Variants in MCPH1 observed in about 807,000 individuals in gnomAD.
MCPH1 encodes the protein microcephalin.
A neutral mutation model predicts 84.5 loss-of-function variants in MCPH1; 104 were observed. The observed-to-expected ratio is 1.23, with a 90% CI of 1.05 to 1.45. The LOEUF is 1.45. Ranked by LOEUF, MCPH1 falls within the 40% of genes most tolerant of loss-of-function variation. The probability of loss-of-function intolerance (pLI) is 0.00; values close to 1 mark genes in which losing one functional copy is unlikely to be tolerated. For missense variants in MCPH1, 1,498 were observed against 1,005.7 expected, an observed-to-expected ratio of 1.49 and a Z score of -6.62; for synonymous variants, 514 against 366.8, an observed-to-expected ratio of 1.40 and a Z score of -4.58.
At chr8:6,451,601 A>T (rs900810328) in intron 8 of MCPH1, among the ~76,000 whole-genome samples, 1 of 152,220 alleles carries the variant, frequency 6.6e-6, no homozygotes, top group Non-Finnish European at 1.5e-5. Context: ...AGTGAACTTG[A>T]TATTTTAATA....
intron 12 of MCPH1, among the ~76,000 whole-genome samples, chr8:6,564,139 A>C (rs1329299085): frequency 6.6e-6 from 1 of 151,786 alleles, no homozygotes. Flanking sequence ...ACGCCACCAC[A>C]CCCGGCTAAT....
intron 11 of MCPH1, among the ~76,000 whole-genome samples, chr8:6,481,540 C>A (rs1809241719): frequency 6.6e-6 from 1 of 152,208 alleles, no homozygotes; most frequent in African/African-American, 2.4e-5. Context: ...TGTTACCATT[C>A]TGCATCTGTG....
At position 6,553,552 on chromosome 8, in the gene MCPH1, A is replaced by G. The variant is rs190305397; in HGVS notation, c.2214+53623A>G. 3.1e-3 allele frequency among the ~76,000 whole-genome samples: 478 copies of G among 152,344 alleles called. 3 individuals are homozygous for G. Among genetic ancestry groups the G allele is most frequent in the Non-Finnish European group, 4.6e-3 (312 of 68,030 alleles). On this transcript the variant is annotated intron_variant, in intron 12 of 13. Coordinates refer to ENST00000344683, the MANE Select transcript of MCPH1 (RefSeq NM_024596.5). ...TCCAAGATACCTCTTATTTTGGTATAGAACGCCTTTATTCAAACAACGGGA... is the reference window on the plus strand; with the variant it reads ...TCCAAGATACCTCTTATTTTGGTATGGAACGCCTTTATTCAAACAACGGGA...
At chr8:6,562,571 T>TTTTTTTTTTTTTTTTTTTTAAAAAAATA in intron 12 of MCPH1, 1 of 417,078 alleles carries the variant, frequency 2.4e-6, no homozygotes, top group Non-Finnish European at 4.0e-6. Flanking sequence ...TTTTTTTTTT[T>TTTTTTTTTTTTTTTTTTTTAAAAAAATA]GGTTGTTAAA....
intron 12 of MCPH1, chr8:6,520,106 A>G (rs1302250946): frequency 4.1e-6 from 5 of 1,211,988 alleles, no homozygotes; most frequent in Admixed American, 2.3e-5. Context: ...TTAAGTAAGC[A>G]AAAGGCTGTA....
chr8:6,436,596 T>G (rs1411996877), intron 5 of MCPH1, among the ~76,000 whole-genome samples: 2 of 151,862 alleles, frequency 1.3e-5, no homozygotes, highest in Admixed American at 6.6e-5. Context: ...TTTAGAATAT[T>G]ATGTTCTATA....
chr8:6,577,448 C>G (rs925019711), intron 12 of MCPH1, among the ~76,000 whole-genome samples: 1 of 152,244 alleles, frequency 6.6e-6, no homozygotes, highest in East Asian at 1.9e-4. Context: ...TCTGAATGTA[C>G]AAATGGCTGT....
chr8:6,639,947 C>A (rs1317589507), intron 13 of MCPH1, among the ~76,000 whole-genome samples: 5 of 152,034 alleles, frequency 3.3e-5, no homozygotes, highest in African/African-American at 4.8e-5. Context: ...CTATGTTGCC[C>A]AGGCTGGCCT....
At chr8:6,539,590 T>C (rs1821153566) in intron 12 of MCPH1, among the ~76,000 whole-genome samples, 1 of 152,176 alleles carries the variant, frequency 6.6e-6, no homozygotes, top group Non-Finnish European at 1.5e-5. Flanking sequence ...CATACTTTTT[T>C]ATTGTCTTTT....
intron 3 of MCPH1, 35 bp from the exon 4 acceptor site, chr8:6,431,464 A>T (rs750488483): frequency 2.0e-6 from 3 of 1,514,056 alleles, no homozygotes; most frequent in Non-Finnish European, 2.8e-6. Context: ...AATAGAAGCA[A>T]ATACTCATTA....
intron 13 of MCPH1, among the ~76,000 whole-genome samples, chr8:6,637,621 G>A (rs1459687118): frequency 6.6e-6 from 1 of 152,138 alleles, no homozygotes; most frequent in Non-Finnish European, 1.5e-5. Context: ...TAAGTGGGAG[G>A]ATTAGGCTGC....
chr8:6,563,777 A>C (rs748277065), intron 12 of MCPH1, among the ~76,000 whole-genome samples: 16 of 152,252 alleles, frequency 1.1e-4, no homozygotes, highest in Non-Finnish European at 1.3e-4. Flanking sequence ...GTTACAAAAG[A>C]TTTTCATTTC....
intron 3 of MCPH1, among the ~76,000 whole-genome samples, chr8:6,426,659 A>T (rs1801106486): frequency 6.6e-6 from 1 of 152,210 alleles, no homozygotes; most frequent in African/African-American, 2.4e-5. Context: ...GTGTCTTTGT[A>T]TGCTTTCATT....
At chr8:6,521,529 A>G (rs1817336131) in intron 12 of MCPH1, 1 of 753,052 alleles carries the variant, frequency 1.3e-6, no homozygotes, top group African/African-American at 1.8e-5. Flanking sequence ...ATAAAGTAAT[A>G]TGATGTTACC....
chr8:6,449,882 T>A (rs1403110751), intron 8 of MCPH1, among the ~76,000 whole-genome samples: 2 of 152,150 alleles, frequency 1.3e-5, no homozygotes, highest in East Asian at 3.8e-4. Flanking sequence ...AATTGCCAAG[T>A]AGTTAAAGCC....
intron 12 of MCPH1, among the ~76,000 whole-genome samples, chr8:6,546,801 C>G (rs1444067158): frequency 5.3e-5 from 8 of 152,158 alleles, no homozygotes; most frequent in Admixed American, 3.9e-4. Flanking sequence ...CAAGTATTGC[C>G]TTTAATTGTA....
At chr8:6,563,075 T>C (rs994658480) in intron 12 of MCPH1, 7 of 902,594 alleles carry the variant, frequency 7.8e-6, no homozygotes, top group Non-Finnish European at 1.1e-5. Context: ...TCTTTCCTCT[T>C]TTTCCAGTAG....
chr8:6,408,831 G>A (rs887136143), intron 1 of MCPH1, among the ~76,000 whole-genome samples: 1 of 152,056 alleles, frequency 6.6e-6, no homozygotes, highest in African/African-American at 2.4e-5. Context: ...CCAGAGTGCT[G>A]CAATTACAGC....
chr8:6,445,138 C>T lies in MCPH1; in HGVS notation c.1416C>T (p.Asp472=), dbSNP rs1411013169. The T allele has an allele frequency of 7.4e-6, 12 of 1,614,230 alleles. No individual in the cohort carries two copies. The highest frequency in any genetic ancestry group is 1.0e-5 in the Non-Finnish European group (12 of 1,180,044). The change falls in exon 8 of 14, where the codon GAC becomes GAT. Residue 472 remains aspartate, a synonymous_variant. Coordinates refer to ENST00000344683, the MANE Select transcript of MCPH1 (RefSeq NM_024596.5). ...TTGGCAAAAAAACCAGAACAGTTGACATTACCAATTTCACAGCAAAAACCA... is the reference window on the plus strand; with the variant it reads ...TTGGCAAAAAAACCAGAACAGTTGATATTACCAATTTCACAGCAAAAACCA... The part of the protein sequence containing the change: ...SCVGKKTRTV[D]ITNFTAKTIS...
Sources: gnomAD v4.1 joint callset for allele counts (sites outside exome capture counted in the v4.1 genomes callset) on GRCh38, gnomAD v4.1.1 for gene constraint, MANE v1.5 for transcripts, NCBI Gene and HGNC (gene_info 2026-07-23, HGNC 2026-07-21) for gene names.